Variants in MDGA2 observed in about 807,000 individuals in gnomAD.
MDGA2 encodes MAM domain-containing glycosylphosphatidylinositol anchor protein 2.
MDGA2 carries 40 observed loss-of-function variants against 117.8 expected under a neutral mutation model. The observed-to-expected ratio is 0.34, with a 90% CI of 0.26 to 0.44. MDGA2 has a LOEUF of 0.44. Ranked by LOEUF, MDGA2 falls within the 20% of genes least tolerant of loss-of-function variation. The pLI is 1.00. For missense variants in MDGA2, 1,123 were observed against 1,250.6 expected, an observed-to-expected ratio of 0.90 and a Z score of 1.54; for synonymous variants, 452 against 439.0, an observed-to-expected ratio of 1.03 and a Z score of -0.37.
chr14:47,346,564 T>C (rs1039517631), intron 1 of MDGA2, among the ~76,000 whole-genome samples: 2 of 152,194 alleles, frequency 1.3e-5, no homozygotes, highest in African/African-American at 4.8e-5. Flanking sequence ...CATAAAACAA[T>C]AGTCCTTCCT....
At chr14:47,408,914 C>A (rs1041852983) in intron 1 of MDGA2, among the ~76,000 whole-genome samples, 1 of 151,952 alleles carries the variant, frequency 6.6e-6, no homozygotes, top group Non-Finnish European at 1.5e-5. Context: ...AGAATGTTAG[C>A]CAGGTGGACA....
intron 3 of MDGA2, among the ~76,000 whole-genome samples, chr14:47,148,437 G>A (rs1012651004): frequency 1.3e-5 from 2 of 152,188 alleles, no homozygotes; most frequent in African/African-American, 4.8e-5. Flanking sequence ...ACTCCTTACT[G>A]AATATTTTCT....
chr14:47,645,461 C>T (rs938894449), intron 1 of MDGA2, among the ~76,000 whole-genome samples: 1 of 151,730 alleles, frequency 6.6e-6, no homozygotes, highest in African/African-American at 2.4e-5. Flanking sequence ...GTCTCCATCT[C>T]CTGACCTCAA....
rs192361531 is a variant in MDGA2 at position 47,662,792 on chromosome 14, G to A, written c.280+11725C>T. 1.4e-3 allele frequency among the ~76,000 whole-genome samples: 210 copies of A among 152,230 alleles called. 1 individual carries two copies. Among genetic ancestry groups the A allele is most frequent in the African/African-American group, 4.7e-3 (195 of 41,534 alleles). ...AAAGACTGGGAGGTTTCTAAACCCC[G>A]ATTTTCACAGTAATGATGTCATTAT... On this transcript the variant is annotated intron_variant, in intron 1 of 16. Coordinates refer to ENST00000399232, the MANE Select transcript of MDGA2 (RefSeq NM_001113498.3).
intron 1 of MDGA2, among the ~76,000 whole-genome samples, chr14:47,586,807 AAC>A (rs1215280340): frequency 3.3e-5 from 5 of 151,890 alleles, no homozygotes; most frequent in Non-Finnish European, 7.4e-5. Flanking sequence ...ACATGGGCTG[AAC>A]CACACAAAAT....
intron 1 of MDGA2, among the ~76,000 whole-genome samples, chr14:47,586,392 T>C (rs1896325517): frequency 6.6e-6 from 1 of 151,922 alleles, no homozygotes; most frequent in South Asian, 2.1e-4. Context: ...TTTATTCAGA[T>C]GCAGACCCAA....
chr14:46,965,579 G>A lies in MDGA2; in HGVS notation c.1820-7936C>T, dbSNP rs188249259. Among the ~76,000 whole-genome samples, 20 of 152,108 alleles carry A rather than the reference G, an allele frequency of 1.3e-4. No individual in the cohort carries two copies. The South Asian group carries it at 1.9e-3, about 14-fold the overall frequency. ...AAAGCTAAATAATATTAAACCAAGCGCACTCATTATAGTGCACTCAAGTCT... is the reference window on the plus strand; with the variant it reads ...AAAGCTAAATAATATTAAACCAAGCACACTCATTATAGTGCACTCAAGTCT... On this transcript the variant is annotated intron_variant, in intron 8 of 16. Coordinates refer to ENST00000399232, the MANE Select transcript of MDGA2 (RefSeq NM_001113498.3).
chr14:47,172,814 G>A (rs560743552), intron 3 of MDGA2, among the ~76,000 whole-genome samples: 43 of 152,306 alleles, frequency 2.8e-4, no homozygotes, highest in African/African-American at 1.0e-3. Context: ...ACTTTGACAA[G>A]TTGAGAGAAG....
At position 46,874,134 on chromosome 14, in the gene MDGA2, A is replaced by G; in HGVS notation, c.2504T>C (p.Phe835Ser). The G allele has an allele frequency of 6.5e-6, 10 of 1,544,794 alleles. No individual in the cohort carries two copies. The highest frequency in any genetic ancestry group is 8.7e-6 in the Non-Finnish European group (10 of 1,146,250). The part of the protein sequence containing the change: ...CLFTQDDTDN[F>S]DWTKQSTATR... ...TGCTGTACTTTGCTTTGTCCAGTCA[A>G]AATTATCTGTATCATCTTGAGTGAA... Residue 835 changes from phenylalanine to serine, a missense_variant, in exon 13 of 17, where the codon TTT becomes TCT. Physicochemically the swap from Phe to Ser is radical, Grantham distance 155 (BLOSUM62 -2). Around this residue, in one of 2 missense-constraint regions of MDGA2, gnomAD observed 890 missense variants for 1,050.3 expected, o/e 0.85. Transcript: ENST00000399232.
At chr14:47,047,304 C>G (rs1054679243) in intron 7 of MDGA2, among the ~76,000 whole-genome samples, 1 of 151,944 alleles carries the variant, frequency 6.6e-6, no homozygotes, top group African/African-American at 2.4e-5. Context: ...AGCTGTGTAA[C>G]CTTGGCAAAG....
At chr14:47,564,436 G>A (rs543147376) in intron 1 of MDGA2, among the ~76,000 whole-genome samples, 16 of 152,302 alleles carry the variant, frequency 1.1e-4, no homozygotes, top group East Asian at 7.7e-4. Flanking sequence ...AGCAGGTCAC[G>A]TCTTTCACAG....
chr14:47,625,635 T>C (rs1386325541), intron 1 of MDGA2, among the ~76,000 whole-genome samples: 3 of 152,228 alleles, frequency 2.0e-5, no homozygotes, highest in African/African-American at 7.2e-5. Context: ...TCAATCTTTA[T>C]TTTCAGTGTC....
At chr14:47,291,650 T>C (rs981306509) in intron 2 of MDGA2, among the ~76,000 whole-genome samples, 2 of 152,200 alleles carry the variant, frequency 1.3e-5, no homozygotes, top group African/African-American at 4.8e-5. Flanking sequence ...TTATCAGCAT[T>C]ACGTGGCTGT....
chr14:47,512,387 A>C (rs1447115786), intron 1 of MDGA2, among the ~76,000 whole-genome samples: 4 of 152,198 alleles, frequency 2.6e-5, no homozygotes, highest in African/African-American at 4.8e-5. Context: ...TCCTCATTAT[A>C]AACATTTAAT....
chr14:47,422,222 C>T (rs968089830), intron 1 of MDGA2, among the ~76,000 whole-genome samples: 1 of 152,164 alleles, frequency 6.6e-6, no homozygotes, highest in Admixed American at 6.6e-5. Context: ...CATGAGCAAA[C>T]TCTCCATAGA....
intron 1 of MDGA2, among the ~76,000 whole-genome samples, chr14:47,375,944 C>G (rs186237487): frequency 6.6e-6 from 1 of 152,214 alleles, no homozygotes; most frequent in African/African-American, 2.4e-5. Flanking sequence ...TTGATTTGCT[C>G]TTATTTAGTT....
At chr14:47,645,336 C>T (rs1247560101) in intron 1 of MDGA2, among the ~76,000 whole-genome samples, 2 of 152,002 alleles carry the variant, frequency 1.3e-5, no homozygotes. Flanking sequence ...CTCCGCCTCC[C>T]GGGTTCACGC....
chr14:47,175,601 C>A (rs868717477), intron 3 of MDGA2, among the ~76,000 whole-genome samples: 4 of 151,920 alleles, frequency 2.6e-5, no homozygotes, highest in African/African-American at 9.7e-5. Flanking sequence ...ATTCAACTAC[C>A]CTTCATGCTA....
At chr14:46,865,953 A>G (rs1423128692) in intron 14 of MDGA2, among the ~76,000 whole-genome samples, 3 of 151,680 alleles carry the variant, frequency 2.0e-5, no homozygotes, top group Non-Finnish European at 3.0e-5. Flanking sequence ...TATCATGAAA[A>G]TGGCCATACT....
Sources: gnomAD v4.1 joint callset for allele counts (sites outside exome capture counted in the v4.1 genomes callset) on GRCh38, gnomAD v4.1.1 for gene constraint, gnomAD v4.1.1 regional missense constraint, MANE v1.5 for transcripts, NCBI Gene and HGNC (gene_info 2026-07-23, HGNC 2026-07-21) for gene names.